Variants in DZIP3 observed in about 807,000 individuals in gnomAD.
DZIP3 encodes the protein DAZ interacting zinc finger protein 3, also known as E3 ubiquitin-protein ligase DZIP3.
Under a neutral mutation model 162.0 loss-of-function variants are expected in DZIP3, and 118 were observed. That is an observed-to-expected ratio of 0.73 (90% CI 0.63 to 0.85). The LOEUF (loss-of-function observed/expected upper bound fraction) is 0.85. DZIP3 is among the 40% of genes least tolerant of loss of function. The pLI is 0.00. For missense variants in DZIP3, 1,331 were observed against 1,407.0 expected (o/e 0.95, Z 0.86); for synonymous variants, 438 against 458.6 (o/e 0.96, Z 0.57).
chr3:108,654,382 C>T (rs1943015534), intron 19 of DZIP3, 72 bp downstream of exon 19: 1 of 1,535,550 alleles, frequency 6.5e-7, no homozygotes, highest in African/African-American at 1.4e-5. Context: ...CTTTAAACAG[C>T]ATCACCCTTT....
intron 1 of DZIP3, among the ~76,000 whole-genome samples, chr3:108,595,987 A>G (rs1163548061): frequency 2.6e-5 from 4 of 152,356 alleles, no homozygotes; most frequent in Admixed American, 2.0e-4. Flanking sequence ...TGGAGGATAT[A>G]GACAATAAGG....
At chr3:108,629,259 C>A in intron 8 of DZIP3, 83 bp downstream of exon 8, 1 of 894,680 alleles carries the variant, frequency 1.1e-6, no homozygotes, top group South Asian at 1.8e-5. Flanking sequence ...CAAGCATGTT[C>A]TTTTATTGGC....
intron 21 of DZIP3, among the ~76,000 whole-genome samples, chr3:108,667,400 A>G (rs997482772): frequency 6.6e-6 from 1 of 152,196 alleles, no homozygotes; most frequent in Non-Finnish European, 1.5e-5. Flanking sequence ...CCAAAAGCTT[A>G]TATATGTTTC....
At chr3:108,614,843 C>G (rs920566516) in intron 4 of DZIP3, among the ~76,000 whole-genome samples, 10 of 152,180 alleles carry the variant, frequency 6.6e-5, no homozygotes, top group Non-Finnish European at 1.0e-4. Context: ...AGTGGCCCAC[C>G]ATGGGTAACT....
In DZIP3 at chr3:108,688,702, A is replaced by G; in HGVS notation, c.3380A>G (p.Gln1127Arg). ...CCAGCCTGGAGGCCACTCACTTCAC[A>G]GGGTCCTGCCACATGGGAAGGAGCC... is the stretch of plus-strand genomic sequence containing the variant. ...PKPAWRPLTS[Q>R]GPATWEGASN... Residue 1127 changes from glutamine (Q) to arginine (R), a missense_variant, in exon 30 of 33, where the codon CAG becomes CGG. Gln to Arg is a conservative substitution (Grantham distance 43, BLOSUM62 1). Around this residue, in one of 2 missense-constraint regions of DZIP3, gnomAD observed 1,278 missense variants for 1,317.1 expected, o/e 0.97. Transcript: ENST00000361582. 1.2e-6 allele frequency: 2 copies of G among 1,614,066 alleles called. No homozygotes were observed. Among genetic ancestry groups the G allele is most frequent in the Non-Finnish European group, 1.7e-6 (2 of 1,179,986 alleles).
rs1324626820 is a variant in DZIP3, at chr3:108,636,427, A to C, written c.919-189A>C. Among the ~76,000 whole-genome samples, 3 of 152,010 alleles carry C rather than the reference A, an allele frequency of 2.0e-5. No homozygotes were observed. In the East Asian group the frequency reaches 5.8e-4, roughly 29 times the overall value. ...GAAGATTTTGAAGTAGAGTGAAATC[A>C]TACATTTTAAATAGGATATCCATTG... On this transcript the variant is annotated intron_variant, in intron 10 of 32. Coordinates refer to ENST00000361582, the MANE Select transcript of DZIP3 (RefSeq NM_014648.4).
chr3:108,650,372 A>G (rs1423093610), intron 17 of DZIP3, among the ~76,000 whole-genome samples: 1 of 151,770 alleles, frequency 6.6e-6, no homozygotes, highest in Non-Finnish European at 1.5e-5. Flanking sequence ...AAGCATAAGG[A>G]CAGACACTGA....
intron 8 of DZIP3, among the ~76,000 whole-genome samples, chr3:108,631,055 A>ACACACACACACACACACACACAAACACT: frequency 5.6e-5 from 1 of 18,006 alleles, no homozygotes; most frequent in Non-Finnish European, 9.0e-5. Context: ...ACACACACAC[A>ACACACACACACACACACACACAAACACT]CTCTCTCTCT....
rs72943594 is a variant in DZIP3 at position 108,630,914 on chromosome 3, A to G, written c.696+1738A>G. Among the ~76,000 whole-genome samples, 668 of 151,678 alleles carry G rather than the reference A, an allele frequency of 4.4e-3. 4 individuals are homozygous for G. The highest frequency in any genetic ancestry group is 0.02 in the Middle Eastern group (6 of 294). On this transcript the variant is annotated intron_variant, in intron 8 of 32. Coordinates refer to ENST00000361582, the MANE Select transcript of DZIP3 (RefSeq NM_014648.4). ...TTTCTTTGATGTTTACCTATTTTTC[A>G]AAAGAAATACTGCTATTTAAAACAT...
chr3:108,661,168 A>C (rs1943410734), intron 19 of DZIP3, among the ~76,000 whole-genome samples: 1 of 152,334 alleles, frequency 6.6e-6, no homozygotes, highest in East Asian at 1.9e-4. Flanking sequence ...TCATGCTGCT[A>C]TAAAGATACA....
At chr3:108,669,650 C>A in intron 21 of DZIP3, 31 bp from the exon 22 acceptor site, 1 of 1,596,354 alleles carries the variant, frequency 6.3e-7, no homozygotes, top group African/African-American at 1.3e-5. Context: ...TAATTTCTAA[C>A]ATCTTTTGAC....
intron 16 of DZIP3, chr3:108,648,665 G>A (rs2107657766): frequency 9.4e-6 from 2 of 212,838 alleles, no homozygotes; most frequent in East Asian, 3.3e-4. Flanking sequence ...GAGCATCTGT[G>A]AACTTTTATC....
chr3:108,624,993 TATATAA>T (rs1488552534), intron 6 of DZIP3, among the ~76,000 whole-genome samples: 1 of 152,154 alleles, frequency 6.6e-6, no homozygotes, highest in Non-Finnish European at 1.5e-5. Flanking sequence ...ATAAATTAAA[TATATAA>T]ATATGACTTG....
At chr3:108,610,098 G>T (rs1940615411) in intron 3 of DZIP3, among the ~76,000 whole-genome samples, 1 of 152,062 alleles carries the variant, frequency 6.6e-6, no homozygotes, top group Non-Finnish European at 1.5e-5. Context: ...ATGAATAGTA[G>T]TACAATGAAC....
chr3:108,667,293 A>G (rs1943723927), intron 21 of DZIP3, among the ~76,000 whole-genome samples: 1 of 152,188 alleles, frequency 6.6e-6, no homozygotes, highest in South Asian at 2.1e-4. Context: ...AAAGACATAA[A>G]TTACTACCAT....
At chr3:108,688,992 C>T in intron 31 of DZIP3, 68 bp downstream of exon 31, 2 of 1,402,794 alleles carry the variant, frequency 1.4e-6, no homozygotes, top group Non-Finnish European at 2.0e-6. Flanking sequence ...TTATCATATA[C>T]ATGTATCATT....
intron 21 of DZIP3, among the ~76,000 whole-genome samples, chr3:108,663,592 C>A (rs891824394): frequency 4.0e-5 from 6 of 150,650 alleles, no homozygotes; most frequent in Non-Finnish European, 8.9e-5. Context: ...CTTCAGCATT[C>A]AAAACTTCAT....
rs539366229 is a variant in DZIP3 at position 108,646,769 on chromosome 3, G to A, written c.1792+120G>A. ...TAATTGTGAAGAACTTGGGCCAGGCGCAGTGGCTCACGCCTATAATCCCTG... is the reference window on the plus strand; with the variant it reads ...TAATTGTGAAGAACTTGGGCCAGGCACAGTGGCTCACGCCTATAATCCCTG... On this transcript the variant is annotated intron_variant, in intron 15 of 32. Coordinates refer to ENST00000361582, the MANE Select transcript of DZIP3 (RefSeq NM_014648.4). The A allele has an allele frequency of 4.5e-5, 33 of 729,270 alleles. No individual in the cohort carries two copies. The South Asian group carries it at 6.0e-4, about 13-fold the overall frequency. The allele number at this position is 729,270 out of a possible 1,614,324, so 45.2% of individuals were successfully genotyped here. A position where few individuals can be genotyped will look rare whatever the true frequency, so the allele number is the denominator to read the frequency against.
chr3:108,591,054 A>C (rs1939380404), intron 1 of DZIP3, among the ~76,000 whole-genome samples: 3 of 152,228 alleles, frequency 2.0e-5, no homozygotes, highest in African/African-American at 7.2e-5. Flanking sequence ...GGTAATTGAT[A>C]AGGGAAATGG....
Sources: allele counts gnomAD v4.1 joint callset (sites outside exome capture counted in the v4.1 genomes callset), GRCh38; gene constraint gnomAD v4.1.1; regional missense constraint gnomAD v4.1.1; transcripts MANE v1.5; gene names NCBI Gene and HGNC (gene_info 2026-07-23, HGNC 2026-07-21).